Variants in SLC25A31 observed in about 807,000 individuals in gnomAD.
SLC25A31 encodes the protein ADP/ATP translocase 4.
A neutral mutation model predicts 36.2 loss-of-function variants in SLC25A31; 40 were observed. That is an observed-to-expected ratio of 1.10 (90% CI 0.86 to 1.44). The LOEUF (loss-of-function observed/expected upper bound fraction) is 1.44. Ranked by LOEUF, SLC25A31 falls within the 40% of genes most tolerant of loss-of-function variation. SLC25A31 has a pLI of 0.00. For missense variants in SLC25A31, 350 were observed against 397.1 expected, an observed-to-expected ratio of 0.88 and a Z score of 1.01; for synonymous variants, 143 against 149.7, an observed-to-expected ratio of 0.96 and a Z score of 0.32.
intron 2 of SLC25A31, among the ~76,000 whole-genome samples, chr4:127,750,798 A>G (rs1731917140): frequency 6.6e-6 from 1 of 152,190 alleles, no homozygotes; most frequent in Admixed American, 6.5e-5. Context: ...ACCTTTACAG[A>G]AATACAACAA....
chr4:127,743,130 C>CTTTTT (rs57035802), intron 1 of SLC25A31, among the ~76,000 whole-genome samples: 4 of 128,036 alleles, frequency 3.1e-5, no homozygotes, highest in Admixed American at 7.8e-5. Context: ...TTTTTCTTTT[C>CTTTTT]TTTTTTTTTT....
At chr4:127,771,606 T>C (rs1421165261) in intron 5 of SLC25A31, among the ~76,000 whole-genome samples, 2 of 152,206 alleles carry the variant, frequency 1.3e-5, no homozygotes, top group East Asian at 3.9e-4. Context: ...TTCTCTTTCT[T>C]GCCTTTCTGT....
At position 127,737,385 on chromosome 4, in the gene SLC25A31, A is replaced by G. The variant is rs1442069002; in HGVS notation, c.232+6608A>G. Among the ~76,000 whole-genome samples the G allele has an allele frequency of 4.6e-5, 7 of 152,326 alleles. No homozygotes were observed. In the East Asian group the frequency reaches 7.7e-4, roughly 17 times the overall value. Reference sequence around the variant, plus strand: ...TGCAAATGGTTTTATTCGTGCAAATACAATTTTTCTCAAAGGAACACATTC... The same window carrying G: ...TGCAAATGGTTTTATTCGTGCAAATGCAATTTTTCTCAAAGGAACACATTC... On this transcript the variant is annotated intron_variant, in intron 1 of 5. Coordinates refer to ENST00000281154, the MANE Select transcript of SLC25A31 (RefSeq NM_031291.4).
chr4:127,749,001 G>A (rs539037101), intron 2 of SLC25A31, among the ~76,000 whole-genome samples: 2 of 151,802 alleles, frequency 1.3e-5, no homozygotes, highest in African/African-American at 4.8e-5. Flanking sequence ...ATGCAAGATA[G>A]ACAACTGAAT....
At chr4:127,766,556 G>T (rs1578672155) in intron 3 of SLC25A31, among the ~76,000 whole-genome samples, 1 of 152,012 alleles carries the variant, frequency 6.6e-6, no homozygotes, top group African/African-American at 2.4e-5. Flanking sequence ...GGAGTACGGT[G>T]GCACAATCAT....
chr4:127,733,513 G>T (rs1038118858), intron 1 of SLC25A31, among the ~76,000 whole-genome samples: 1 of 152,130 alleles, frequency 6.6e-6, no homozygotes, highest in Admixed American at 6.5e-5. Context: ...TATGATGATT[G>T]TATGTATACT....
intron 2 of SLC25A31, among the ~76,000 whole-genome samples, chr4:127,759,455 A>C (rs1308065867): frequency 1.3e-5 from 2 of 151,958 alleles, no homozygotes; most frequent in African/African-American, 2.4e-5. Context: ...GATGCCTTTT[A>C]TTTCTTTCTC....
At chr4:127,773,355 A>G in intron 5 of SLC25A31, 31 bp from the exon 6 acceptor site, 1 of 1,573,088 alleles carries the variant, frequency 6.4e-7, no homozygotes, top group Non-Finnish European at 8.6e-7. Flanking sequence ...ATATTCAGAT[A>G]ATGGAAAACC....
At chr4:127,742,114 T>C (rs948884474) in intron 1 of SLC25A31, among the ~76,000 whole-genome samples, 7 of 152,196 alleles carry the variant, frequency 4.6e-5, no homozygotes, top group Admixed American at 1.3e-4. Flanking sequence ...AACTCTTAGT[T>C]TGACTGATAT....
At chr4:127,750,920 A>G (rs1000906850) in intron 2 of SLC25A31, among the ~76,000 whole-genome samples, 1 of 152,202 alleles carries the variant, frequency 6.6e-6, no homozygotes. Flanking sequence ...CTTAAATTGT[A>G]AATGAATGAT....
At chr4:127,744,574 T>A in intron 1 of SLC25A31, 98 bp from the exon 2 acceptor site, 1 of 1,009,410 alleles carries the variant, frequency 9.9e-7, no homozygotes, top group Non-Finnish European at 1.4e-6. Context: ...TAAGAAAGAG[T>A]ATGTTTTAGA....
intron 2 of SLC25A31, among the ~76,000 whole-genome samples, chr4:127,753,200 C>A (rs2148759239): frequency 6.6e-6 from 1 of 151,896 alleles, no homozygotes; most frequent in Middle Eastern, 3.4e-3. Context: ...TAGGGTATAG[C>A]AAAAGCAGTT....
At chr4:127,742,399 ATTGATTACCTG>A (rs1165405019) in intron 1 of SLC25A31, among the ~76,000 whole-genome samples, 2 of 152,154 alleles carry the variant, frequency 1.3e-5, no homozygotes, top group Non-Finnish European at 2.9e-5. Flanking sequence ...TGACTGCCTG[ATTGATTACCTG>A]TTGACCAAGT....
At chr4:127,761,968 C>T (rs1732149035) in intron 2 of SLC25A31, among the ~76,000 whole-genome samples, 1 of 152,178 alleles carries the variant, frequency 6.6e-6, no homozygotes, top group Admixed American at 6.5e-5. Flanking sequence ...ATCTCCTGAT[C>T]TAATTATTTC....
chr4:127,773,345 A>T, intron 5 of SLC25A31, 41 bp from the exon 6 acceptor site: 2 of 1,552,066 alleles, frequency 1.3e-6, no homozygotes, highest in South Asian at 2.4e-5. Flanking sequence ...AAGATAAAAG[A>T]TATTCAGATA....
rs1732408354 is a variant in SLC25A31, at chr4:127,773,539, A to G, written c.913A>G (p.Lys305Glu). ...ALVLVLYDKIKEFFHIDIGGR is the reference protein window; with the variant it reads ...ALVLVLYDKIEEFFHIDIGGR The stretch of plus-strand genomic sequence containing the variant: ...GGTGTTGGTATTATATGATAAAATT[A>G]AAGAATTCTTTCATATTGATATTGG... Residue 305 changes from lysine to glutamate, a missense_variant, in exon 6 of 6, where the codon AAA (lysine) becomes GAA (glutamate). Physicochemically the swap from Lys to Glu is moderately conservative, Grantham distance 56. Coordinates refer to ENST00000281154, the MANE Select transcript of SLC25A31 (RefSeq NM_031291.4). The G allele has an allele frequency of 1.2e-6, 2 of 1,602,640 alleles. No individual in the cohort carries two copies. Among genetic ancestry groups the G allele is most frequent in the Non-Finnish European group, 1.7e-6 (2 of 1,176,710 alleles).
At chr4:127,762,559 G>C (rs1222406187) in intron 2 of SLC25A31, among the ~76,000 whole-genome samples, 3 of 152,156 alleles carry the variant, frequency 2.0e-5, no homozygotes, top group African/African-American at 7.2e-5. Flanking sequence ...TTACATAGGT[G>C]AATTTTATGA....
chr4:127,751,958 G>T (rs1375919746), intron 2 of SLC25A31, among the ~76,000 whole-genome samples: 8 of 152,074 alleles, frequency 5.3e-5, no homozygotes, highest in Admixed American at 6.5e-5. Flanking sequence ...GGAACACTTT[G>T]ACACTGTTGG....
At chr4:127,741,291 G>A (rs947020862) in intron 1 of SLC25A31, among the ~76,000 whole-genome samples, 1 of 152,144 alleles carries the variant, frequency 6.6e-6, no homozygotes, top group Non-Finnish European at 1.5e-5. Context: ...GGATCCCTTT[G>A]TCTTATTCCT....
Sources: gnomAD v4.1 joint callset for allele counts (sites outside exome capture counted in the v4.1 genomes callset) on GRCh38, gnomAD v4.1.1 for gene constraint, MANE v1.5 for transcripts, NCBI Gene and HGNC (gene_info 2026-07-23, HGNC 2026-07-21) for gene names.